The following TBL1X variants were observed in gnomAD, a reference collection of about 807,000 sequenced individuals.
TBL1X encodes the protein transducin beta like 1 X-linked.
Under a neutral mutation model 50.7 loss-of-function variants are expected in TBL1X, and 10 were observed. The ratio of observed to expected loss-of-function variants is 0.20; its 90% CI spans 0.12 to 0.33. TBL1X has a LOEUF of 0.33. TBL1X is among the 10% of genes least tolerant of loss of function. TBL1X has a pLI of 1.00. For synonymous variants in TBL1X, 190 were observed against 214.7 expected (o/e 0.88, Z 1.01); for missense variants, 340 against 504.4 (o/e 0.67, Z 3.12).
At chrX:9,689,967 C>T (rs984334318) in intron 7 of TBL1X, among the ~76,000 whole-genome samples, 4 of 112,503 alleles carry the variant, frequency 3.6e-5, no homozygotes, top group Non-Finnish European at 7.5e-5. Context: ...AGCACTCCTA[C>T]TCAGTGACAC....
intron 1 of TBL1X, among the ~76,000 whole-genome samples, chrX:9,491,326 ATATATATATATATT>A (rs1197220269): frequency 0.017 from 497 of 29,317 alleles, 3 homozygotes; most frequent in East Asian, 0.072. Context: ...ATATATATAT[ATATATATATATATT>A]TTTTTTTTTT....
intron 2 of TBL1X, among the ~76,000 whole-genome samples, chrX:9,512,828 A>G (rs748881317): frequency 8.9e-6 from 1 of 111,739 alleles, no homozygotes. Context: ...ACAGACACCT[A>G]GTGCCTTTCC....
chrX:9,546,571 T>G (rs1272913272), intron 2 of TBL1X, among the ~76,000 whole-genome samples: 1 of 111,480 alleles, frequency 9.0e-6, no homozygotes, highest in East Asian at 2.8e-4. Flanking sequence ...TGTTTACTTA[T>G]GTGTTGTCTG....
At chrX:9,612,850 T>A (rs914407152) in intron 2 of TBL1X, among the ~76,000 whole-genome samples, 11 of 111,215 alleles carry the variant, frequency 9.9e-5, no homozygotes, top group Non-Finnish European at 1.7e-4. Flanking sequence ...ATTTTAAGAA[T>A]ATACAAAAAA....
chrX:9,528,702 T>TTGGGGGGGGGGGGGGG (rs2082144686), intron 2 of TBL1X, among the ~76,000 whole-genome samples: 1 of 10,477 alleles, frequency 9.5e-5, no homozygotes, highest in African/African-American at 3.4e-4. Context: ...GGGGAGGGGG[T>TTGGGGGGGGGGGGGGG]GGGGTCAGTG....
At position 9,718,720 on chromosome X, in the gene TBL1X, T is replaced by A. The variant is rs1342218517; in HGVS notation, c.*2474T>A. 1 of 111,971 alleles carries A rather than the reference T, an allele frequency of 8.9e-6. No homozygotes were observed. Among genetic ancestry groups the A allele is most frequent in the African/African-American group, 3.2e-5 (1 of 30,783 alleles). 9.2% of individuals were successfully genotyped at this position (111,971 alleles called of 1,213,427 possible). ...GTGTCGCAAGCAATTCACTAGACAA[T>A]CTTCACATGAATGTCGGTAGCCAGG... On this transcript the variant is annotated 3_prime_UTR_variant, in exon 18 of 18. Transcript: ENST00000645353.
rs959352341 is a variant in TBL1X at position 9,489,735 on chromosome X, G to A, written c.-200-12045G>A. 3.6e-5 allele frequency among the ~76,000 whole-genome samples: 4 copies of A among 111,560 alleles called. No homozygotes were observed. In the Admixed American group the frequency reaches 3.8e-4, roughly 11 times the overall value. On this transcript the variant is annotated intron_variant, in intron 1 of 17. Coordinates refer to ENST00000645353, the MANE Select transcript of TBL1X (RefSeq NM_005647.4). ...TCCCATGGTGAGGTCCAGCCTCCAC[G>A]GGTTGGGGAGGGCTATTCTAGTCTG...
intron 2 of TBL1X, among the ~76,000 whole-genome samples, chrX:9,582,088 A>G (rs2088227484): frequency 1.8e-5 from 2 of 112,352 alleles, no homozygotes; most frequent in African/African-American, 6.5e-5. Flanking sequence ...AAGCAGGATA[A>G]CCATTTTGCA....
intron 16 of TBL1X, among the ~76,000 whole-genome samples, chrX:9,713,458 A>C: frequency 2.9e-5 from 2 of 69,748 alleles, no homozygotes; most frequent in Non-Finnish European, 5.0e-5. Flanking sequence ...TCGGAGTTTC[A>C]CTCTCGTCAC....
intron 2 of TBL1X, among the ~76,000 whole-genome samples, chrX:9,538,775 T>C (rs959313285): frequency 1.8e-5 from 2 of 112,860 alleles, no homozygotes; most frequent in African/African-American, 6.4e-5. Context: ...CGTTCTCTGA[T>C]GAGCCTGAAG....
At chrX:9,687,342 C>G (rs1266655027) in intron 6 of TBL1X, among the ~76,000 whole-genome samples, 1 of 112,393 alleles carries the variant, frequency 8.9e-6, no homozygotes, top group Non-Finnish European at 1.9e-5. Context: ...TTTATTAAAT[C>G]CCCTGGACAG....
intron 2 of TBL1X, among the ~76,000 whole-genome samples, chrX:9,545,838 T>C (rs769793574): frequency 8.9e-6 from 1 of 111,778 alleles, no homozygotes; most frequent in South Asian, 3.8e-4. Flanking sequence ...GTTGTACTCA[T>C]GGATAGTGTA....
chrX:9,490,954 A>G (rs925396978), intron 1 of TBL1X, among the ~76,000 whole-genome samples: 1 of 110,719 alleles, frequency 9.0e-6, no homozygotes, highest in Non-Finnish European at 1.9e-5. Context: ...GCTCACCAGC[A>G]AGATTATAAA....
intron 2 of TBL1X, among the ~76,000 whole-genome samples, chrX:9,568,463 G>A (rs1169440751): frequency 9.0e-6 from 1 of 110,803 alleles, no homozygotes; most frequent in Non-Finnish European, 1.9e-5. Context: ...GCGGCGTGCT[G>A]TGCATGTCGT....
intron 1 of TBL1X, among the ~76,000 whole-genome samples, chrX:9,481,587 G>T (rs1425183698): frequency 1.8e-5 from 2 of 112,187 alleles, no homozygotes; most frequent in Non-Finnish European, 3.8e-5. Context: ...CATACTTTCA[G>T]ATTGCTTTAA....
intron 2 of TBL1X, among the ~76,000 whole-genome samples, chrX:9,541,881 G>A (rs2082216634): frequency 9.0e-6 from 1 of 110,502 alleles, no homozygotes; most frequent in African/African-American, 3.3e-5. Flanking sequence ...AAACTTCATG[G>A]TCTGGGAAAA....
At chrX:9,690,613 G>A (rs1042666632) in intron 7 of TBL1X, among the ~76,000 whole-genome samples, 1 of 111,939 alleles carries the variant, frequency 8.9e-6, no homozygotes, top group African/African-American at 3.3e-5. Flanking sequence ...AATTTTAGGG[G>A]GACATAGTTT....
intron 15 of TBL1X, 63 bp from the exon 16 acceptor site, chrX:9,711,548 T>G: frequency 1.9e-6 from 2 of 1,026,563 alleles, no homozygotes; most frequent in Middle Eastern, 5.3e-4. Context: ...CTGATACACA[T>G]TATGGAGAAC....
At position 9,533,751 on chromosome X, in the gene TBL1X, C is replaced by T. The variant is rs1229168597; in HGVS notation, c.-131+31902C>T. On this transcript the variant is annotated intron_variant, in intron 2 of 17. Transcript: ENST00000645353. ...TTACCAGGCCAGCATGATCAAGTTA[C>T]GAGAAATGGAGACCAGGACACTACC... 5.4e-5 allele frequency among the ~76,000 whole-genome samples: 6 copies of T among 111,478 alleles called. No individual in the cohort carries two copies. In the Middle Eastern group the frequency reaches 0.014, roughly 255 times the overall value.
Sources: allele counts gnomAD v4.1 joint callset (sites outside exome capture counted in the v4.1 genomes callset), GRCh38; gene constraint gnomAD v4.1.1; transcripts MANE v1.5; gene names NCBI Gene and HGNC (gene_info 2026-07-23, HGNC 2026-07-21).